The following GRAMD1A variants were observed in gnomAD, a reference collection of about 807,000 sequenced individuals.
The protein encoded by GRAMD1A is GRAM domain containing 1A.
Under a neutral mutation model 92.0 loss-of-function variants are expected in GRAMD1A, and 50 were observed. The ratio of observed to expected loss-of-function variants is 0.54; its 90% CI spans 0.43 to 0.69. GRAMD1A has a LOEUF of 0.69. GRAMD1A is among the 30% of genes least tolerant of loss of function. The probability of loss-of-function intolerance (pLI) is 0.00; values close to 1 mark genes in which losing one functional copy is unlikely to be tolerated. For missense variants in GRAMD1A, 819 were observed against 978.9 expected (o/e 0.84, Z 2.18); for synonymous variants, 405 against 403.6 (o/e 1.00, Z -0.04).
At chr19:35,022,493 A>G (rs574188985) in intron 16 of GRAMD1A, among the ~76,000 whole-genome samples, 59 of 151,240 alleles carry the variant, frequency 3.9e-4, no homozygotes, top group African/African-American at 1.4e-3. Flanking sequence ...TGGGGGAGGT[A>G]TGGGCAGAGG....
intron 1 of GRAMD1A, among the ~76,000 whole-genome samples, chr19:35,007,274 C>G (rs1250444656): frequency 2.0e-5 from 3 of 152,180 alleles, no homozygotes; most frequent in Admixed American, 2.0e-4. Flanking sequence ...ATAACGGATG[C>G]TGGGTGCGGT....
Position 35,021,833 on chromosome 19 carries a change from C to G in GRAMD1A, c.1722C>G (p.Asp574Glu). The G allele has an allele frequency of 1.2e-6, 2 of 1,604,696 alleles. No homozygotes were observed. Among genetic ancestry groups the G allele is most frequent in the Non-Finnish European group, 1.7e-6 (2 of 1,174,898 alleles). The change falls in exon 15 of 20, where the codon GAC becomes GAG. Residue 574 changes from aspartate to glutamate, a missense_variant. This residue lies in a region of GRAMD1A where 577 missense variants were observed against 674.6 expected (regional missense o/e 0.86). Coordinates refer to ENST00000317991, the MANE Select transcript of GRAMD1A (RefSeq NM_020895.5). This position sits in a 1 kb window ranked among gnomAD's most constrained non-coding sequence, Gnocchi z 5.3. ...HGDGPQHPDP[D>E]PCARAGIHTS... is the part of the protein sequence containing the mutation. Reference sequence around the variant, plus strand: ...ACGGGCCCCAGCACCCAGATCCTGACCCCTGTGCCCGGGCCGGCATTCACA... The same window carrying G: ...ACGGGCCCCAGCACCCAGATCCTGAGCCCTGTGCCCGGGCCGGCATTCACA...
At position 35,009,950 on chromosome 19, in the gene GRAMD1A, C is replaced by A; in HGVS notation, c.303C>A (p.Pro101=). 1 of 1,610,506 alleles carries A rather than the reference C, an allele frequency of 6.2e-7. No homozygotes were observed. The highest frequency in any genetic ancestry group is 8.5e-7 in the Non-Finnish European group (1 of 1,176,750). ...EDFRKLFSKL[P]EAERLIVDYS... ...TCCGGAAACTGTTCAGCAAACTCCC[C>A]GAAGCAGAACGCCTCATTGTGGGTG... The change falls in exon 4 of 20, where the codon CCC becomes CCA. Residue 101 remains proline, a synonymous_variant. Coordinates refer to ENST00000317991, the MANE Select transcript of GRAMD1A (RefSeq NM_020895.5).
At chr19:35,012,620 T>C (rs1025178776) in intron 7 of GRAMD1A, among the ~76,000 whole-genome samples, 1 of 152,072 alleles carries the variant, frequency 6.6e-6, no homozygotes, top group African/African-American at 2.4e-5. Flanking sequence ...CTTGAACACA[T>C]GACTTTCCCT....
At chr19:35,018,009 A>T (rs2015766018) in intron 11 of GRAMD1A, among the ~76,000 whole-genome samples, 1 of 139,656 alleles carries the variant, frequency 7.2e-6, no homozygotes, top group Non-Finnish European at 1.6e-5. Context: ...TTTATTTTTG[A>T]GTCAGGTTCT....
intron 6 of GRAMD1A, 35 bp from the exon 7 acceptor site, chr19:35,011,425 GGTCGCTCCCCAACC>G (rs2015229835): frequency 2.8e-6 from 4 of 1,419,674 alleles, no homozygotes; most frequent in Non-Finnish European, 4.0e-6. Flanking sequence ...CCTCTGTCCT[GGTCGCTCCCCAACC>G]TGCTCACACC....
At position 35,021,782 on chromosome 19, in the gene GRAMD1A, G is replaced by T. The variant is rs932234053; in HGVS notation, c.1671G>T (p.Arg557=). ...GLLSGLRRRK[R]PLSWRAHGDG... is the part of the protein sequence containing the mutation. ...TATCCGGCCTGCGGCGGCGGAAGCGGCCCCTGAGCTGGCGGGCTCACGGGG... is the reference window on the plus strand; with the variant it reads ...TATCCGGCCTGCGGCGGCGGAAGCGTCCCCTGAGCTGGCGGGCTCACGGGG... Residue 557 remains arginine, a synonymous_variant, in exon 15 of 20, where the codon CGG becomes CGT. Transcript: ENST00000317991. The surrounding 1 kb of genome is among the most constrained non-coding windows in gnomAD (Gnocchi z 5.3). 2 of 1,612,186 alleles carry T rather than the reference G, an allele frequency of 1.2e-6. No individual in the cohort carries two copies. The highest frequency in any genetic ancestry group is 1.7e-5 in the Admixed American group (1 of 59,894).
chr19:35,017,374 A>G (rs1187804228), intron 11 of GRAMD1A, among the ~76,000 whole-genome samples: 1 of 152,172 alleles, frequency 6.6e-6, no homozygotes, highest in Non-Finnish European at 1.5e-5. Context: ...ACATAAGCAT[A>G]GTTTTGGGGG....
chr19:35,010,798 G>A (rs2015178601), intron 6 of GRAMD1A, among the ~76,000 whole-genome samples: 1 of 152,170 alleles, frequency 6.6e-6, no homozygotes, highest in African/African-American at 2.4e-5. Context: ...TTTGTGTTTT[G>A]TTGGTTAAAA....
rs2015137408 is a variant in GRAMD1A, at chr19:35,010,334, C to T, written c.480C>T (p.Ala160=). 1 of 1,613,890 alleles carries T rather than the reference C, an allele frequency of 6.2e-7. No homozygotes were observed. Among genetic ancestry groups the T allele is most frequent in the Non-Finnish European group, 8.5e-7 (1 of 1,179,748 alleles). The change falls in exon 6 of 20, where the codon GCC becomes GCT. Residue 160 remains alanine (A), a synonymous_variant. Coordinates refer to ENST00000317991, the MANE Select transcript of GRAMD1A (RefSeq NM_020895.5). The stretch of plus-strand genomic sequence containing the variant: ...CATGTCTGAAGAAGGAAAAGACGGC[C>T]AAGCTGATCCCCAACGCCATCCAGA... ...EVTCLKKEKT[A]KLIPNAIQIC... is the part of the protein sequence containing the mutation.
chr19:35,016,185 T>A (rs898877459), intron 11 of GRAMD1A, among the ~76,000 whole-genome samples: 1 of 152,200 alleles, frequency 6.6e-6, no homozygotes, highest in Non-Finnish European at 1.5e-5. Context: ...TCCTTCTGTA[T>A]AATGGGGGTA....
chr19:35,013,204 C>A lies in GRAMD1A; in HGVS notation c.607-52C>A. The A allele has an allele frequency of 1.0e-6, 1 of 971,738 alleles. No individual in the cohort carries two copies. Among genetic ancestry groups the A allele is most frequent in the Non-Finnish European group, 1.6e-6 (1 of 638,550 alleles). 60.2% of individuals were successfully genotyped at this position (971,738 alleles called of 1,614,324 possible). On this transcript the variant is annotated intron_variant, in intron 7 of 19. Coordinates refer to ENST00000317991, the MANE Select transcript of GRAMD1A (RefSeq NM_020895.5). The surrounding 1 kb of genome is among the most constrained non-coding windows in gnomAD (Gnocchi z 4.9). ...AGGGCTGGTGGGGAATCTGGCGGGC[C>A]GGGCTCTGGCTGGGGTGAGATGGAG...
chr19:35,016,769 G>A (rs2015661917), intron 11 of GRAMD1A, among the ~76,000 whole-genome samples: 1 of 151,946 alleles, frequency 6.6e-6, no homozygotes, highest in Non-Finnish European at 1.5e-5. Context: ...GCCAGGCATG[G>A]TGGCGAGCAC....
Position 35,010,361 on chromosome 19 carries a change from C to A in GRAMD1A, c.507C>A (p.Ile169=). 5 of 1,612,884 alleles carry A rather than the reference C, an allele frequency of 3.1e-6. No individual in the cohort carries two copies. Among genetic ancestry groups the A allele is most frequent in the Non-Finnish European group, 4.2e-6 (5 of 1,178,778 alleles). Residue 169 remains isoleucine, a synonymous_variant, in exon 6 of 20, where the codon ATC becomes ATA. Coordinates refer to ENST00000317991, the MANE Select transcript of GRAMD1A (RefSeq NM_020895.5). ...AGCTGATCCCCAACGCCATCCAGAT[C>A]TGCACGGAGAGCGAGAAGGTGACGG... is the stretch of plus-strand genomic sequence containing the variant. ...TAKLIPNAIQ[I]CTESEKHFFT...
chr19:35,019,143 G>A, intron 11 of GRAMD1A, 48 bp from the exon 12 acceptor site: 4 of 1,278,666 alleles, frequency 3.1e-6, no homozygotes, highest in Non-Finnish European at 4.5e-6. Flanking sequence ...TGGCCTGTGG[G>A]CAAAGGACTG....
chr19:35,020,157 T>C (rs2015945172), intron 13 of GRAMD1A, among the ~76,000 whole-genome samples: 1 of 152,158 alleles, frequency 6.6e-6, no homozygotes, highest in Non-Finnish European at 1.5e-5. Context: ...TTTGGGAGGC[T>C]GAGGCAGGAG....
intron 1 of GRAMD1A, among the ~76,000 whole-genome samples, chr19:35,006,767 A>C (rs1465552011): frequency 6.6e-6 from 1 of 152,246 alleles, no homozygotes; most frequent in East Asian, 1.9e-4. Flanking sequence ...GTGGTAACCA[A>C]GACCTGAAGG....
rs1417498779 is a variant in GRAMD1A, at chr19:35,015,984, A to G, written c.1213+17A>G. ...AGTTCACAGGTCAGCGGGCGCATGA[A>G]GGAGAGGCTGAGGTTACCCAGGTGC... On this transcript the variant is annotated intron_variant, in intron 11 of 19. Coordinates refer to ENST00000317991, the MANE Select transcript of GRAMD1A (RefSeq NM_020895.5). 1.2e-6 allele frequency: 2 copies of G among 1,609,956 alleles called. No homozygotes were observed. The highest frequency in any genetic ancestry group is 2.7e-5 in the African/African-American group (2 of 74,760).
chr19:35,013,639 G>A lies in GRAMD1A; in HGVS notation c.818G>A (p.Arg273His), dbSNP rs758086727. 2.5e-5 allele frequency: 40 copies of A among 1,613,412 alleles called. No homozygotes were observed. The highest frequency in any genetic ancestry group is 1.7e-4 in the Middle Eastern group (1 of 5,882). ...SQEPSPVGSR[R>H]GHVTPNLSRA... ...GAGCCAAGCCCAGTGGGTTCGCGCC[G>A]TGGCCATGTCACGCCCAACCTTTCC... The change falls in exon 9 of 20, where the codon CGT (arginine) becomes CAT (histidine). Residue 273 changes from arginine to histidine, a missense_variant. Physicochemically the swap from Arg to His is conservative, Grantham distance 29 (BLOSUM62 0). This residue lies in a region of GRAMD1A where 577 missense variants were observed against 674.6 expected (regional missense o/e 0.86). Coordinates refer to ENST00000317991, the MANE Select transcript of GRAMD1A (RefSeq NM_020895.5). The surrounding 1 kb of genome is among the most constrained non-coding windows in gnomAD (Gnocchi z 4.9).
Sources: gnomAD v4.1 joint callset for allele counts (sites outside exome capture counted in the v4.1 genomes callset) on GRCh38, gnomAD v4.1.1 for gene constraint, gnomAD v4.1.1 regional missense constraint, Gnocchi (gnomAD v3.1) non-coding constraint, MANE v1.5 for transcripts, NCBI Gene and HGNC (gene_info 2026-07-23, HGNC 2026-07-21) for gene names.